The following SLC30A8 variants were observed in gnomAD, a reference collection of about 807,000 sequenced individuals.
The protein encoded by SLC30A8 is proton-coupled zinc antiporter SLC30A8.
SLC30A8 carries 27 observed loss-of-function variants against 36.9 expected under a neutral mutation model. The observed-to-expected ratio is 0.73, with a 90% CI of 0.54 to 1.01. The LOEUF is 1.01. Among genes scored for constraint, SLC30A8 ranks in the 50% least tolerant of loss-of-function variants. The pLI, the probability that SLC30A8 is intolerant of heterozygous loss-of-function variation, is 0.00. For synonymous variants in SLC30A8, 164 were observed against 172.4 expected (o/e 0.95, Z 0.38); for missense variants, 439 against 452.0 (o/e 0.97, Z 0.26).
At chr8:117,128,225 G>T (rs1820988167) in intron 2 of SLC30A8, among the ~76,000 whole-genome samples, 1 of 152,050 alleles carries the variant, frequency 6.6e-6, no homozygotes. Flanking sequence ...TGAGAAGTGG[G>T]CATGCACTTG....
intron 2 of SLC30A8, among the ~76,000 whole-genome samples, chr8:117,128,855 T>C (rs1821021097): frequency 6.6e-6 from 1 of 152,014 alleles, no homozygotes; most frequent in Non-Finnish European, 1.5e-5. Context: ...ACTTTTTTTC[T>C]GGTTAGGAAA....
chr8:117,061,960 T>TA (rs1818034579), intron 2 of SLC30A8, among the ~76,000 whole-genome samples: 1 of 152,220 alleles, frequency 6.6e-6, no homozygotes. Flanking sequence ...GGCAGGGTGT[T>TA]ATGTTATTGA....
chr8:116,958,287 A>G (rs1018741459), intron 1 of SLC30A8, among the ~76,000 whole-genome samples: 1 of 149,774 alleles, frequency 6.7e-6, no homozygotes, highest in African/African-American at 2.5e-5. Context: ...TTTTGTATAG[A>G]CCCATGTTTC....
In SLC30A8 at chr8:117,174,897, A is replaced by G. The variant is rs1487386442; in HGVS notation, c.*2216A>G. 1.3e-5 allele frequency: 2 copies of G among 152,194 alleles called. No individual in the cohort carries two copies. The highest frequency in any genetic ancestry group is 4.9e-5 in the African/African-American group (2 of 41,138). The allele number at this position is 152,194 out of a possible 1,614,324, so 9.4% of individuals were successfully genotyped here. A position where few individuals can be genotyped will look rare whatever the true frequency, so the allele number is the denominator to read the frequency against. ...ATGGCAAAATGCAAGACAATCTACA[A>G]GGGAGATTTTAAGGATTTTGAGATG... On this transcript the variant is annotated 3_prime_UTR_variant, in exon 8 of 8. Transcript: ENST00000456015.
intron 2 of SLC30A8, among the ~76,000 whole-genome samples, chr8:117,083,584 A>G (rs1363088895): frequency 6.6e-6 from 1 of 152,158 alleles, no homozygotes; most frequent in East Asian, 1.9e-4. Flanking sequence ...GGCAGATATC[A>G]ATTAGAGTTC....
intron 1 of SLC30A8, among the ~76,000 whole-genome samples, chr8:117,138,190 A>T (rs1259520428): frequency 6.6e-6 from 1 of 151,810 alleles, no homozygotes; most frequent in Admixed American, 6.6e-5. Flanking sequence ...CCCAAGCCAT[A>T]TGTTGAAGAA....
At chr8:116,972,901 A>G (rs1814839441) in intron 1 of SLC30A8, among the ~76,000 whole-genome samples, 1 of 152,182 alleles carries the variant, frequency 6.6e-6, no homozygotes, top group Non-Finnish European at 1.5e-5. Flanking sequence ...ACTAGTGACT[A>G]CATTCTAGGA....
At chr8:117,168,718 G>C (rs1823196581) in intron 6 of SLC30A8, among the ~76,000 whole-genome samples, 1 of 152,120 alleles carries the variant, frequency 6.6e-6, no homozygotes, top group Non-Finnish European at 1.5e-5. Flanking sequence ...GTCTTCAAAT[G>C]GTCAACAGAA....
chr8:117,080,511 A>C lies in SLC30A8; in HGVS notation c.-226+41253A>C, dbSNP rs1318324873. Among the ~76,000 whole-genome samples the C allele has an allele frequency of 2.0e-5, 3 of 152,016 alleles. No individual in the cohort carries two copies. In the East Asian group the frequency reaches 5.8e-4, roughly 29 times the overall value. ...CTCTCTCCCTCCTCTAGGAGGCCCC[A>C]GTGCCTATTGTTCCCATCTTTATGT... On this transcript the variant is annotated intron_variant, in intron 2 of 10. Transcript: ENST00000427715.
chr8:117,046,674 C>G (rs1817561632), intron 2 of SLC30A8, among the ~76,000 whole-genome samples: 1 of 152,148 alleles, frequency 6.6e-6, no homozygotes, highest in Non-Finnish European at 1.5e-5. Context: ...AGAATCAGAA[C>G]AGAAGGCTCA....
At chr8:117,172,399 C>A in intron 7 of SLC30A8, 137 bp from the exon 8 acceptor site, 1 of 1,054,642 alleles carries the variant, frequency 9.5e-7, no homozygotes, top group Non-Finnish European at 1.4e-6. Context: ...ATTATCAGAG[C>A]AAACGTGGCT....
intron 1 of SLC30A8, among the ~76,000 whole-genome samples, chr8:116,967,314 T>C (rs940862401): frequency 2.0e-5 from 3 of 152,154 alleles, no homozygotes. Flanking sequence ...AAAAAAAAAT[T>C]GAGGAACAAC....
chr8:116,966,984 T>A (rs1814620287), intron 1 of SLC30A8, among the ~76,000 whole-genome samples: 1 of 152,246 alleles, frequency 6.6e-6, no homozygotes, highest in African/African-American at 2.4e-5. Flanking sequence ...TGCAGTGATC[T>A]ATTCTCATTT....
intron 1 of SLC30A8, among the ~76,000 whole-genome samples, chr8:116,956,585 T>C (rs539857519): frequency 1.3e-5 from 2 of 152,232 alleles, no homozygotes; most frequent in South Asian, 4.1e-4. Flanking sequence ...AAAAAAACAG[T>C]GTATATCTAT....
intron 4 of SLC30A8, among the ~76,000 whole-genome samples, chr8:117,158,058 GCTT>G (rs149935213): frequency 0.021 from 3,193 of 152,288 alleles, 114 homozygotes; most frequent in African/African-American, 0.069. Context: ...TGTTTTGAAA[GCTT>G]CTGGTGTGCT....
intron 1 of SLC30A8, among the ~76,000 whole-genome samples, chr8:117,027,566 G>A (rs984604765): frequency 6.6e-6 from 1 of 152,096 alleles, no homozygotes; most frequent in African/African-American, 2.4e-5. Context: ...ACAGTGCTAA[G>A]CTCTTACTAG....
intron 1 of SLC30A8, among the ~76,000 whole-genome samples, chr8:117,020,938 C>A (rs747719647): frequency 6.6e-6 from 1 of 151,726 alleles, no homozygotes; most frequent in Non-Finnish European, 1.5e-5. Context: ...TGGTATTCGT[C>A]GGAATGGAAA....
chr8:117,157,071 T>G (rs989011269), intron 3 of SLC30A8, among the ~76,000 whole-genome samples: 1 of 152,236 alleles, frequency 6.6e-6, no homozygotes, highest in Non-Finnish European at 1.5e-5. Flanking sequence ...CCATTTTATC[T>G]TTACATATTG....
chr8:117,099,438 G>T (rs1819612996), intron 2 of SLC30A8, among the ~76,000 whole-genome samples: 2 of 152,122 alleles, frequency 1.3e-5, no homozygotes, highest in Admixed American at 6.5e-5. Flanking sequence ...CAGTCTCAAT[G>T]CTGCTTTACT....
Sources: gnomAD v4.1 joint callset for allele counts (sites outside exome capture counted in the v4.1 genomes callset) on GRCh38, gnomAD v4.1.1 for gene constraint, MANE v1.5 for transcripts, NCBI Gene and HGNC (gene_info 2026-07-23, HGNC 2026-07-21) for gene names.